The following TENM2 variants were observed in gnomAD, a reference collection of about 807,000 sequenced individuals.
TENM2 encodes teneurin transmembrane protein 2, also known as teneurin-2.
TENM2 carries 52 observed loss-of-function variants against 245.2 expected under a neutral mutation model. That is an observed-to-expected ratio of 0.21 (90% CI 0.17 to 0.27). TENM2 has a LOEUF of 0.27. Among genes scored for constraint, TENM2 ranks in the 10% least tolerant of loss-of-function variants. The pLI is 1.00. For synonymous variants in TENM2, 1,363 were observed against 1,438.9 expected, an observed-to-expected ratio of 0.95 and a Z score of 1.19; for missense variants, 3,046 against 3,666.8, an observed-to-expected ratio of 0.83 and a Z score of 4.37.
chr5:167,219,354 A>C, the TENM2 span, among the ~76,000 whole-genome samples: 1 of 152,068 alleles, frequency 6.6e-6, no homozygotes, highest in Non-Finnish European at 1.5e-5. Context: ...AACCAAACAA[A>C]ACAAACAAAA....
intron 25 of TENM2, among the ~76,000 whole-genome samples, chr5:168,238,354 G>A (rs1259282943): frequency 1.3e-5 from 2 of 151,924 alleles, no homozygotes; most frequent in African/African-American, 4.8e-5. Flanking sequence ...TCTAGGCCAG[G>A]CTTTACCTCT....
At chr5:167,859,102 G>C (rs1304215927) in intron 2 of TENM2, among the ~76,000 whole-genome samples, 1 of 139,404 alleles carries the variant, frequency 7.2e-6, no homozygotes, top group Non-Finnish European at 1.6e-5. Context: ...CTGAGATGTG[G>C]GGAGCGCCTC....
intron 3 of TENM2, among the ~76,000 whole-genome samples, chr5:167,945,749 A>G (rs1242267291): frequency 1.3e-5 from 2 of 152,210 alleles, no homozygotes; most frequent in Admixed American, 1.3e-4. Context: ...GCTATAAATC[A>G]TTCCTTACAG....
chr5:167,277,386 G>C, the TENM2 span, among the ~76,000 whole-genome samples: 1 of 152,042 alleles, frequency 6.6e-6, no homozygotes, highest in Non-Finnish European at 1.5e-5. Flanking sequence ...ATTTAGAAGA[G>C]TGTTGTTTAC....
chr5:167,385,989 C>T (rs972401694), intron 2 of TENM2, among the ~76,000 whole-genome samples: 4 of 151,566 alleles, frequency 2.6e-5, no homozygotes, highest in Non-Finnish European at 4.4e-5. Flanking sequence ...TATAAACACG[C>T]GTGTGCAAGT....
At chr5:168,166,701 A>G (rs1382521993) in intron 13 of TENM2, among the ~76,000 whole-genome samples, 4 of 152,320 alleles carry the variant, frequency 2.6e-5, no homozygotes, top group Non-Finnish European at 1.5e-5. Context: ...GTCCTAAGCC[A>G]TCCATTCTAT....
At chr5:167,647,461 A>G (rs1780037997) in intron 2 of TENM2, among the ~76,000 whole-genome samples, 1 of 152,032 alleles carries the variant, frequency 6.6e-6, no homozygotes, top group Non-Finnish European at 1.5e-5. Flanking sequence ...CGTCTCTACT[A>G]AAAATACAAA....
chr5:167,013,025 G>C, the TENM2 span, among the ~76,000 whole-genome samples: 1 of 152,156 alleles, frequency 6.6e-6, no homozygotes, highest in South Asian at 2.1e-4. Flanking sequence ...AAAGATATGG[G>C]CAGGGGCCAG....
At chr5:167,627,807 T>C (rs1242006032) in intron 2 of TENM2, among the ~76,000 whole-genome samples, 1 of 152,152 alleles carries the variant, frequency 6.6e-6, no homozygotes, top group African/African-American at 2.4e-5. Flanking sequence ...TCCACCTGCC[T>C]CAGCCTCCCA....
chr5:167,855,878 G>T (rs1771041093), intron 2 of TENM2, among the ~76,000 whole-genome samples: 1 of 65,584 alleles, frequency 1.5e-5, no homozygotes, highest in Non-Finnish European at 5.5e-5. Flanking sequence ...AGGAAGGGAG[G>T]AAGGAAGGGA....
chr5:167,014,140 C>CTTTTTTTT, the TENM2 span, among the ~76,000 whole-genome samples: 11 of 128,650 alleles, frequency 8.6e-5, 2 homozygotes, highest in Admixed American at 2.5e-4. Context: ...AAAACCAATT[C>CTTTTTTTT]TTTTTTTTTT....
intron 1 of TENM2, among the ~76,000 whole-genome samples, chr5:167,368,287 TA>T (rs775178476): frequency 4.3e-4 from 65 of 152,192 alleles, no homozygotes; most frequent in Non-Finnish European, 6.8e-4. Context: ...GAATGATGCA[TA>T]TTTTTTTTCA....
chr5:168,080,132 A>G (rs1401978391), intron 7 of TENM2, among the ~76,000 whole-genome samples: 1 of 152,166 alleles, frequency 6.6e-6, no homozygotes, highest in African/African-American at 2.4e-5. Context: ...TATTCAGGGA[A>G]TCAACTTCTT....
intron 5 of TENM2, 81 bp downstream of exon 7, chr5:167,993,263 C>G (rs1783806339): frequency 8.9e-7 from 1 of 1,117,482 alleles, no homozygotes; most frequent in African/African-American, 1.5e-5. Flanking sequence ...ATCTAGAGGC[C>G]CTCTGATGTC....
At chr5:167,750,467 G>C (rs1761887453) in intron 2 of TENM2, among the ~76,000 whole-genome samples, 1 of 152,080 alleles carries the variant, frequency 6.6e-6, no homozygotes, top group Admixed American at 6.6e-5. Context: ...CTGGAGTTGT[G>C]AGCCATGTTA....
chr5:168,213,083 G>A (rs1762910997), intron 20 of TENM2, among the ~76,000 whole-genome samples: 1 of 152,192 alleles, frequency 6.6e-6, no homozygotes, highest in East Asian at 1.9e-4. Flanking sequence ...ACAGAGTGCA[G>A]CATCTAATTA....
chr5:167,025,820 CTAGTA>C, the TENM2 span, among the ~76,000 whole-genome samples: 9 of 151,462 alleles, frequency 5.9e-5, no homozygotes, highest in East Asian at 1.7e-3. Context: ...TGTCAAGTTC[CTAGTA>C]TAGTGCCTGG....
intron 2 of TENM2, among the ~76,000 whole-genome samples, chr5:167,541,939 G>T (rs1399870200): frequency 2.0e-5 from 3 of 152,156 alleles, no homozygotes; most frequent in African/African-American, 7.2e-5. Flanking sequence ...AACAAGAAAA[G>T]CTAGTGTCCT....
chr5:167,950,301 A>G (rs985167666), intron 3 of TENM2, among the ~76,000 whole-genome samples: 4 of 152,224 alleles, frequency 2.6e-5, no homozygotes, highest in African/African-American at 9.6e-5. Flanking sequence ...CGCATAACAC[A>G]GATGGACCTC....
Sources: gnomAD v4.1 joint callset for allele counts (sites outside exome capture counted in the v4.1 genomes callset) on GRCh38, gnomAD v4.1.1 for gene constraint, MANE v1.5 for transcripts, NCBI Gene and HGNC (gene_info 2026-07-23, HGNC 2026-07-21) for gene names.